Variants in MDGA2 observed in about 807,000 individuals in gnomAD.
MDGA2 encodes MAM domain-containing glycosylphosphatidylinositol anchor protein 2.
MDGA2 carries 40 observed loss-of-function variants against 117.8 expected under a neutral mutation model. The observed-to-expected ratio is 0.34, with a 90% confidence interval of 0.26 to 0.44. The LOEUF is 0.44. MDGA2 is among the 20% of genes least tolerant of loss of function. The pLI is 1.00. For missense variants in MDGA2, 1,123 were observed against 1,250.6 expected, an observed-to-expected ratio of 0.90 and a Z score of 1.54; for synonymous variants, 452 against 439.0, an observed-to-expected ratio of 1.03 and a Z score of -0.37.
At chr14:47,469,511 C>T (rs1246019792) in intron 1 of MDGA2, among the ~76,000 whole-genome samples, 1 of 152,150 alleles carries the variant, frequency 6.6e-6, no homozygotes, top group Non-Finnish European at 1.5e-5. Context: ...GCATAGTATT[C>T]CATGGTGTAT....
At chr14:47,626,218 T>TTTTGG (rs1566547392) in intron 1 of MDGA2, 1 of 152,282 alleles carries the variant, frequency 6.6e-6, no homozygotes, top group African/African-American at 2.4e-5. Flanking sequence ...GATTTTTTGG[T>TTTTGG]TTTTTTGTTT....
intron 1 of MDGA2, among the ~76,000 whole-genome samples, chr14:47,631,573 G>A (rs1440699167): frequency 1.3e-5 from 2 of 152,090 alleles, no homozygotes; most frequent in African/African-American, 4.8e-5. Flanking sequence ...ACATTACCCT[G>A]TTAGCCTGGT....
At chr14:47,311,492 C>CA (rs201634444) in intron 1 of MDGA2, among the ~76,000 whole-genome samples, 24 of 150,040 alleles carry the variant, frequency 1.6e-4, no homozygotes, top group African/African-American at 3.9e-4. Context: ...CTTAGCCTGT[C>CA]AAAAAAAAAC....
At chr14:47,066,498 T>A (rs922708476) in intron 6 of MDGA2, among the ~76,000 whole-genome samples, 3 of 152,106 alleles carry the variant, frequency 2.0e-5, no homozygotes, top group Non-Finnish European at 4.4e-5. Flanking sequence ...ACAAACAGCA[T>A]CAACATGGGA....
chr14:47,597,108 A>G (rs1368890719), intron 1 of MDGA2, among the ~76,000 whole-genome samples: 1 of 152,170 alleles, frequency 6.6e-6, no homozygotes, highest in Non-Finnish European at 1.5e-5. Flanking sequence ...ATAGAGGGGT[A>G]TGTTCAAGCA....
At chr14:47,368,452 A>G (rs1319657615) in intron 1 of MDGA2, among the ~76,000 whole-genome samples, 1 of 152,234 alleles carries the variant, frequency 6.6e-6, no homozygotes, top group African/African-American at 2.4e-5. Flanking sequence ...GAATTGAATA[A>G]TCATACAGTG....
rs144144799 is a variant in MDGA2 at position 47,372,637 on chromosome 14, T to C, written c.281-71087A>G. 3.9e-3 allele frequency among the ~76,000 whole-genome samples: 592 copies of C among 152,064 alleles called. 7 individuals carry two copies. The highest frequency in any genetic ancestry group is 0.013 in the African/African-American group (559 of 41,550). On this transcript the variant is annotated intron_variant, in intron 1 of 16. Transcript: ENST00000399232. The stretch of plus-strand genomic sequence containing the variant: ...TTAGAGTATGAATTGCTACCCACCA[T>C]TGTGAAAATGAATTTAGCAATATAT...
chr14:47,043,469 A>T (rs1466040059), intron 7 of MDGA2, among the ~76,000 whole-genome samples: 1 of 152,080 alleles, frequency 6.6e-6, no homozygotes, highest in Non-Finnish European at 1.5e-5. Context: ...TGATATAATA[A>T]TATTATATTG....
At chr14:47,392,507 A>C (rs1219399510) in intron 1 of MDGA2, among the ~76,000 whole-genome samples, 4 of 152,130 alleles carry the variant, frequency 2.6e-5, no homozygotes, top group Non-Finnish European at 4.4e-5. Context: ...ATGTTTATTC[A>C]ACAAATATCT....
chr14:47,219,828 G>T (rs17118197), intron 2 of MDGA2, among the ~76,000 whole-genome samples: 9,480 of 152,128 alleles, frequency 0.062, 346 homozygotes, highest in Non-Finnish European at 0.063. Context: ...GCATATGTGT[G>T]TATTCATGTG....
chr14:47,491,143 T>C (rs1191057912), intron 1 of MDGA2, among the ~76,000 whole-genome samples: 2 of 152,124 alleles, frequency 1.3e-5, no homozygotes, highest in Non-Finnish European at 2.9e-5. Context: ...TTTTTTTTGT[T>C]ATCCTAAAAT....
intron 14 of MDGA2, 56 bp downstream of exon 14, chr14:46,873,377 T>G: frequency 6.9e-7 from 1 of 1,459,714 alleles, no homozygotes; most frequent in South Asian, 1.5e-5. Flanking sequence ...TTTATGAACC[T>G]TTTTCTTCTT....
chr14:47,034,758 A>T, intron 8 of MDGA2, among the ~76,000 whole-genome samples: 1 of 151,800 alleles, frequency 6.6e-6, no homozygotes, highest in Admixed American at 6.6e-5. Flanking sequence ...ACACACACAC[A>T]CACACACACA....
chr14:47,264,007 C>T (rs972710901), intron 2 of MDGA2, among the ~76,000 whole-genome samples: 1 of 152,060 alleles, frequency 6.6e-6, no homozygotes, highest in Non-Finnish European at 1.5e-5. Context: ...ATATTCAAAC[C>T]ACTTTTTATA....
chr14:47,149,458 C>A (rs1249918493), intron 3 of MDGA2, among the ~76,000 whole-genome samples: 2 of 152,164 alleles, frequency 1.3e-5, no homozygotes, highest in East Asian at 3.9e-4. Context: ...AGAGGACAGT[C>A]CAGTCACCAC....
At chr14:47,013,430 C>T (rs994995759) in intron 8 of MDGA2, among the ~76,000 whole-genome samples, 3 of 152,146 alleles carry the variant, frequency 2.0e-5, no homozygotes, top group African/African-American at 7.2e-5. Context: ...AATTCTAGTT[C>T]TCTTGCTATT....
At chr14:47,462,636 CAG>C (rs1893514166) in intron 1 of MDGA2, among the ~76,000 whole-genome samples, 1 of 152,090 alleles carries the variant, frequency 6.6e-6, no homozygotes, top group Non-Finnish European at 1.5e-5. Flanking sequence ...GTCGCTAACT[CAG>C]AATCTCCCAG....
chr14:46,958,212 T>C lies in MDGA2; in HGVS notation c.1820-569A>G, dbSNP rs373250120. Among the ~76,000 whole-genome samples, 38 of 152,156 alleles carry C rather than the reference T, an allele frequency of 2.5e-4. 1 individual carries two copies. Among genetic ancestry groups the C allele is most frequent in the African/African-American group, 8.7e-4 (36 of 41,510 alleles). ...GCTCAGCTGTGTCTTCCAGAATGTA[T>C]AGGAGATGGTCAGGTGAGTAAGCAG... On this transcript the variant is annotated intron_variant, in intron 8 of 16. Coordinates refer to ENST00000399232, the MANE Select transcript of MDGA2 (RefSeq NM_001113498.3).
chr14:47,330,315 T>C (rs1178681056), intron 1 of MDGA2, among the ~76,000 whole-genome samples: 1 of 151,942 alleles, frequency 6.6e-6, no homozygotes, highest in African/African-American at 2.4e-5. Context: ...TATTAACCTA[T>C]AACAAAATTT....
Sources: gnomAD v4.1 joint callset for allele counts (sites outside exome capture counted in the v4.1 genomes callset) on GRCh38, gnomAD v4.1.1 for gene constraint, MANE v1.5 for transcripts, NCBI Gene and HGNC (gene_info 2026-07-23, HGNC 2026-07-21) for gene names.